TRIM5: variants seen among roughly 807,000 people sequenced by gnomAD.
The protein encoded by TRIM5 is tripartite motif-containing protein 5.
Under a neutral mutation model 35.6 loss-of-function variants are expected in TRIM5, and 31 were observed. The observed-to-expected ratio is 0.87, with a 90% confidence interval of 0.65 to 1.18. The LOEUF is 1.18. TRIM5 is among the 50% of genes most tolerant of loss of function. The pLI, the probability that TRIM5 is intolerant of heterozygous loss-of-function variation, is 0.00. For missense variants in TRIM5, 609 were observed against 591.6 expected, an observed-to-expected ratio of 1.03 and a Z score of -0.31; for synonymous variants, 243 against 215.6, an observed-to-expected ratio of 1.13 and a Z score of -1.11.
At chr11:5,604,392 T>A in the TRIM5 span, 16 of 821,814 alleles carry the variant, frequency 1.9e-5, no homozygotes, top group Non-Finnish European at 2.9e-5. Context: ...TATAAAAGAT[T>A]TGTTGGCCCT....
the TRIM5 span, chr11:5,596,047 T>TGGATCTC: frequency 1.3e-5 from 2 of 152,380 alleles, no homozygotes; most frequent in Non-Finnish European, 2.9e-5. Flanking sequence ...TGGAATCGGC[T>TGGATCTC]GGATCTCCTG....
At chr11:5,677,862 T>C (rs1440309423) in intron 4 of TRIM5, 1 of 193,418 alleles carries the variant, frequency 5.2e-6, no homozygotes, top group Non-Finnish European at 1.0e-5. Context: ...ATCTTGTATT[T>C]TGACGTGTAT....
chr11:5,625,565 G>T, the TRIM5 span, among the ~76,000 whole-genome samples: 1 of 152,148 alleles, frequency 6.6e-6, no homozygotes, highest in African/African-American at 2.4e-5. Flanking sequence ...GGTTGAAGTG[G>T]GTTCTTTTGC....
At chr11:5,623,308 G>GGTTC in the TRIM5 span, among the ~76,000 whole-genome samples, 2 of 151,776 alleles carry the variant, frequency 1.3e-5, no homozygotes. Flanking sequence ...AAAGTATTAG[G>GGTTC]TTGGTACAAA....
chr11:5,609,338 T>C, the TRIM5 span, among the ~76,000 whole-genome samples: 1 of 152,158 alleles, frequency 6.6e-6, no homozygotes, highest in Non-Finnish European at 1.5e-5. Flanking sequence ...CCTAAAATGC[T>C]GTTTTGAAGG....
downstream of TRIM5, among the ~76,000 whole-genome samples, chr11:5,660,124 C>A (rs572462343): frequency 4.6e-5 from 7 of 152,110 alleles, no homozygotes; most frequent in South Asian, 1.5e-3. Flanking sequence ...CTACAGGCGC[C>A]CACCACCATG....
intron 1 of TRIM5, chr11:5,684,008 C>T (rs1035208657): frequency 3.2e-5 from 5 of 154,318 alleles, no homozygotes; most frequent in African/African-American, 1.2e-4. Context: ...CAGCTTCCCT[C>T]CTGAGCCAGC....
the TRIM5 span, among the ~76,000 whole-genome samples, chr11:5,603,943 C>T: frequency 1.3e-5 from 2 of 151,750 alleles, no homozygotes; most frequent in African/African-American, 2.4e-5. Flanking sequence ...AAAAGGGGTA[C>T]TTGGTTGATT....
At chr11:5,650,517 T>C in the TRIM5 span, among the ~76,000 whole-genome samples, 1 of 152,192 alleles carries the variant, frequency 6.6e-6, no homozygotes, top group South Asian at 2.1e-4. Context: ...CTTCATCAAC[T>C]GATTGTAGAT....
At chr11:5,629,704 C>G in the TRIM5 span, among the ~76,000 whole-genome samples, 1 of 152,050 alleles carries the variant, frequency 6.6e-6, no homozygotes, top group African/African-American at 2.4e-5. Flanking sequence ...CGTGAGGATT[C>G]TTTTGTTTTG....
At chr11:5,665,912 C>T in intron 6 of TRIM5, 69 bp downstream of exon 6, 1 of 1,468,152 alleles carries the variant, frequency 6.8e-7, no homozygotes, top group South Asian at 1.3e-5. Flanking sequence ...AAACTGCACC[C>T]TCTTCCCTAT....
chr11:5,643,912 T>A, the TRIM5 span: 1 of 680,100 alleles, frequency 1.5e-6, no homozygotes, highest in Non-Finnish European at 2.3e-6. Flanking sequence ...CAGAGAAAGT[T>A]ACCTAATCCC....
chr11:5,601,184 A>C, the TRIM5 span, among the ~76,000 whole-genome samples: 2 of 152,152 alleles, frequency 1.3e-5, no homozygotes, highest in African/African-American at 4.8e-5. Context: ...CTTCGAAAGC[A>C]CTTGGTCCAT....
the TRIM5 span, among the ~76,000 whole-genome samples, chr11:5,607,361 T>C: frequency 6.6e-6 from 1 of 152,226 alleles, no homozygotes; most frequent in Non-Finnish European, 1.5e-5. Context: ...GGATATTTAC[T>C]GCAAATTGAC....
chr11:5,674,537 G>C (rs1025171848), intron 4 of TRIM5, among the ~76,000 whole-genome samples: 1 of 152,198 alleles, frequency 6.6e-6, no homozygotes. Context: ...CTAACACTGG[G>C]CTCAACCTAG....
downstream of TRIM5, among the ~76,000 whole-genome samples, chr11:5,660,867 C>G (rs1334460477): frequency 1.3e-5 from 2 of 151,100 alleles, no homozygotes; most frequent in East Asian, 2.0e-4. Context: ...ACGGTGAAAC[C>G]CTGACTCTAC....
intron 4 of TRIM5, among the ~76,000 whole-genome samples, chr11:5,671,642 G>GA (rs1425566090): frequency 6.6e-6 from 1 of 151,524 alleles, no homozygotes; most frequent in African/African-American, 2.4e-5. Context: ...AGAACAGAGG[G>GA]AAAAAAGACT....
chr11:5,592,914 C>CAAAAA, the TRIM5 span, among the ~76,000 whole-genome samples: 22 of 66,638 alleles, frequency 3.3e-4, no homozygotes, highest in East Asian at 1.4e-3. Context: ...GAGATTGTCT[C>CAAAAA]AAAAAAAAAA....
At chr11:5,604,509 C>T in the TRIM5 span, 10 of 1,604,406 alleles carry the variant, frequency 6.2e-6, no homozygotes, top group Non-Finnish European at 8.5e-6. Context: ...CTTGATCCTG[C>T]TTGACCTGAT....
Sources: gnomAD v4.1 joint callset for allele counts (sites outside exome capture counted in the v4.1 genomes callset) on GRCh38, gnomAD v4.1.1 for gene constraint, MANE v1.5 for transcripts, NCBI Gene and HGNC (gene_info 2026-07-23, HGNC 2026-07-21) for gene names.